Variants in PTPRD observed in about 807,000 individuals in gnomAD.
PTPRD encodes the protein receptor-type tyrosine-protein phosphatase delta.
PTPRD carries 34 observed loss-of-function variants against 214.5 expected under a neutral mutation model. That is an observed-to-expected ratio of 0.16 (90% CI 0.12 to 0.21). The LOEUF (loss-of-function observed/expected upper bound fraction) is 0.21. Among genes scored for constraint, PTPRD ranks in the 10% least tolerant of loss-of-function variants. The probability of loss-of-function intolerance (pLI) is 1.00; values close to 1 mark genes in which losing one functional copy is unlikely to be tolerated. For synonymous variants in PTPRD, 1,128 were observed against 845.7 expected, an observed-to-expected ratio of 1.33 and a Z score of -5.79; for missense variants, 2,545 against 2,398.7, an observed-to-expected ratio of 1.06 and a Z score of -1.27.
intron 11 of PTPRD, among the ~76,000 whole-genome samples, chr9:8,794,750 G>A (rs1376620789): frequency 6.6e-6 from 1 of 151,814 alleles, no homozygotes; most frequent in East Asian, 1.9e-4. Context: ...TTGCCTCAGA[G>A]GAACTTAACA....
At chr9:9,244,744 A>C (rs2099972185) in intron 9 of PTPRD, among the ~76,000 whole-genome samples, 1 of 152,142 alleles carries the variant, frequency 6.6e-6, no homozygotes, top group African/African-American at 2.4e-5. Flanking sequence ...TTCATGTCTA[A>C]AACACCAAAA....
At chr9:10,520,863 G>A (rs2051984308) in intron 2 of PTPRD, among the ~76,000 whole-genome samples, 1 of 151,630 alleles carries the variant, frequency 6.6e-6, no homozygotes, top group Non-Finnish European at 1.5e-5. Context: ...TAAACCCACT[G>A]TTGAGACCAC....
At chr9:8,857,213 C>T (rs2097936552) in intron 11 of PTPRD, among the ~76,000 whole-genome samples, 1 of 152,174 alleles carries the variant, frequency 6.6e-6, no homozygotes, top group African/African-American at 2.4e-5. Context: ...ATCGCCCCCT[C>T]ACCGTAGTCA....
intron 9 of PTPRD, among the ~76,000 whole-genome samples, chr9:9,382,679 T>C (rs190573940): frequency 6.6e-6 from 1 of 152,198 alleles, no homozygotes; most frequent in East Asian, 1.9e-4. Flanking sequence ...GACAGAGAAA[T>C]TGGGACTCTT....
intron 8 of PTPRD, among the ~76,000 whole-genome samples, chr9:9,503,698 G>A (rs2096493010): frequency 6.6e-6 from 1 of 151,734 alleles, no homozygotes; most frequent in African/African-American, 2.4e-5. Context: ...AGTCACTTGT[G>A]TCAAACTCTA....
At chr9:8,466,064 G>A (rs1029602189) in intron 31 of PTPRD, among the ~76,000 whole-genome samples, 2 of 151,894 alleles carry the variant, frequency 1.3e-5, no homozygotes, top group African/African-American at 2.4e-5. Context: ...ATTAACCTCA[G>A]ACAAAGCCAT....
chr9:10,515,868 T>C (rs1003696347), intron 2 of PTPRD, among the ~76,000 whole-genome samples: 8 of 151,920 alleles, frequency 5.3e-5, no homozygotes, highest in African/African-American at 1.9e-4. Context: ...TTACCTAGCA[T>C]AATATCCTCA....
At chr9:9,683,777 A>G (rs974547302) in intron 7 of PTPRD, among the ~76,000 whole-genome samples, 2 of 151,812 alleles carry the variant, frequency 1.3e-5, no homozygotes, top group Admixed American at 6.6e-5. Flanking sequence ...AGATATAATT[A>G]TGTAATGTAT....
At chr9:8,859,542 A>G (rs1024229537) in intron 11 of PTPRD, among the ~76,000 whole-genome samples, 1 of 152,214 alleles carries the variant, frequency 6.6e-6, no homozygotes, top group Admixed American at 6.5e-5. Flanking sequence ...TCAGGCCAGC[A>G]CATACACACA....
At chr9:9,025,451 T>C (rs1479230357) in intron 10 of PTPRD, among the ~76,000 whole-genome samples, 1 of 152,048 alleles carries the variant, frequency 6.6e-6, no homozygotes, top group Non-Finnish European at 1.5e-5. Flanking sequence ...TATTCCTGTG[T>C]ATACTCCTCT....
rs532809181 is a variant in PTPRD, at chr9:9,542,597, A to C, written c.-237+32135T>G. ...ATAGGTCTTATATACAAAATATATA[A>C]AGAACTTGACAAATCAATAATATAA... On this transcript the variant is annotated intron_variant, in intron 8 of 45. Transcript: ENST00000381196. Among the ~76,000 whole-genome samples the C allele has an allele frequency of 1.6e-4, 24 of 151,864 alleles. 1 individual carries two copies. The South Asian group carries it at 4.8e-3, about 30-fold the overall frequency.
At chr9:8,643,360 A>G (rs1477810896) in intron 12 of PTPRD, among the ~76,000 whole-genome samples, 2 of 151,628 alleles carry the variant, frequency 1.3e-5, no homozygotes, top group East Asian at 1.9e-4. Context: ...GAGGGAGGGA[A>G]GGAAGGAAGG....
chr9:9,826,261 T>A (rs1027911487), intron 5 of PTPRD, among the ~76,000 whole-genome samples: 1 of 151,898 alleles, frequency 6.6e-6, no homozygotes, highest in African/African-American at 2.4e-5. Context: ...TCTTTCTAGT[T>A]CAGTCTTCAT....
At chr9:8,572,929 G>C (rs1182148574) in intron 14 of PTPRD, among the ~76,000 whole-genome samples, 2 of 151,906 alleles carry the variant, frequency 1.3e-5, no homozygotes, top group East Asian at 1.9e-4. Context: ...CATTTCAAAA[G>C]CTGGTTAAAT....
chr9:10,560,840 G>A (rs1229090653), intron 2 of PTPRD, among the ~76,000 whole-genome samples: 6 of 152,130 alleles, frequency 3.9e-5, no homozygotes. Context: ...GGATGCTAGT[G>A]GCTACCATAC....
intron 7 of PTPRD, among the ~76,000 whole-genome samples, chr9:9,716,161 A>T (rs905223606): frequency 2.0e-5 from 3 of 152,152 alleles, no homozygotes; most frequent in Non-Finnish European, 4.4e-5. Flanking sequence ...ATTTCCTCCA[A>T]GTCCCTACAA....
At chr9:8,996,544 A>C (rs2099397517) in intron 11 of PTPRD, among the ~76,000 whole-genome samples, 1 of 151,984 alleles carries the variant, frequency 6.6e-6, no homozygotes, top group African/African-American at 2.4e-5. Flanking sequence ...ACTATAGCAA[A>C]ATATCTCAGA....
intron 3 of PTPRD, among the ~76,000 whole-genome samples, chr9:10,068,573 G>A (rs948360974): frequency 2.0e-5 from 3 of 151,752 alleles, no homozygotes; most frequent in Non-Finnish European, 2.9e-5. Flanking sequence ...CAATAGTGGG[G>A]ACTGTGTTTT....
At chr9:10,322,806 T>C (rs911048906) in intron 3 of PTPRD, among the ~76,000 whole-genome samples, 1 of 151,938 alleles carries the variant, frequency 6.6e-6, no homozygotes, top group Non-Finnish European at 1.5e-5. Flanking sequence ...CATTTGGACC[T>C]GGGAAAGGTG....
Sources: gnomAD v4.1 joint callset for allele counts (sites outside exome capture counted in the v4.1 genomes callset) on GRCh38, gnomAD v4.1.1 for gene constraint, MANE v1.5 for transcripts, NCBI Gene and HGNC (gene_info 2026-07-23, HGNC 2026-07-21) for gene names.